ROR1: variants seen among roughly 807,000 people sequenced by gnomAD.
ROR1 encodes the protein ROR family WNT receptor 1, also known as inactive tyrosine-protein kinase transmembrane receptor ROR1.
ROR1 carries 19 observed loss-of-function variants against 78.8 expected under a neutral mutation model. That is an observed-to-expected ratio of 0.24 (90% CI 0.17 to 0.35). ROR1 has a LOEUF of 0.35. Ranked by LOEUF, ROR1 falls within the 10% of genes least tolerant of loss-of-function variation. The pLI, the probability that ROR1 is intolerant of heterozygous loss-of-function variation, is 1.00. For missense variants in ROR1, 917 were observed against 1,177.8 expected, an observed-to-expected ratio of 0.78 and a Z score of 3.24; for synonymous variants, 386 against 433.6, an observed-to-expected ratio of 0.89 and a Z score of 1.36.
chr1:63,999,128 T>A (rs1396079649), intron 1 of ROR1, among the ~76,000 whole-genome samples: 1 of 152,208 alleles, frequency 6.6e-6, no homozygotes, highest in Non-Finnish European at 1.5e-5. Context: ...AATACAGAAA[T>A]ACAGACGTAT....
chr1:64,072,996 G>T (rs985692540), intron 4 of ROR1, among the ~76,000 whole-genome samples: 1 of 152,068 alleles, frequency 6.6e-6, no homozygotes, highest in Non-Finnish European at 1.5e-5. Flanking sequence ...AAATAAACAA[G>T]ATTTAAAGGA....
At chr1:63,867,740 CT>C (rs1224092281) in intron 1 of ROR1, among the ~76,000 whole-genome samples, 2 of 152,232 alleles carry the variant, frequency 1.3e-5, no homozygotes, top group African/African-American at 4.8e-5. Flanking sequence ...GGGCCTGCCC[CT>C]GACCACTTGT....
intron 5 of ROR1, 86 bp from the exon 6 acceptor site, chr1:64,140,023 G>C: frequency 8.1e-7 from 1 of 1,237,212 alleles, no homozygotes; most frequent in Non-Finnish European, 1.1e-6. Flanking sequence ...CTTGCAATGT[G>C]TGTTTATATC....
intron 1 of ROR1, among the ~76,000 whole-genome samples, chr1:63,962,113 A>T (rs1472838142): frequency 6.6e-6 from 1 of 152,152 alleles, no homozygotes; most frequent in Non-Finnish European, 1.5e-5. Context: ...TACAAAAGTT[A>T]TCTGGGCATG....
chr1:64,072,587 A>G (rs1173664523), intron 4 of ROR1, among the ~76,000 whole-genome samples: 1 of 152,126 alleles, frequency 6.6e-6, no homozygotes. Flanking sequence ...GGGAGAGGAG[A>G]ACAAAGACCT....
intron 1 of ROR1, among the ~76,000 whole-genome samples, chr1:63,795,640 G>A (rs1391586042): frequency 6.6e-6 from 1 of 152,144 alleles, no homozygotes; most frequent in Admixed American, 6.5e-5. Context: ...TGGTGGGAGG[G>A]CAGAGAGGCT....
chr1:63,793,145 A>G (rs901113873), intron 1 of ROR1, among the ~76,000 whole-genome samples: 2 of 152,182 alleles, frequency 1.3e-5, no homozygotes, highest in Non-Finnish European at 2.9e-5. Flanking sequence ...GCTAAATCCT[A>G]CTGGATTAGG....
intron 1 of ROR1, among the ~76,000 whole-genome samples, chr1:63,942,141 T>A (rs1489671698): frequency 6.6e-6 from 1 of 152,162 alleles, no homozygotes; most frequent in Non-Finnish European, 1.5e-5. Flanking sequence ...ATAGAATGAA[T>A]GGTGGGAAAG....
chr1:63,992,217 A>T (rs950245852), intron 1 of ROR1, among the ~76,000 whole-genome samples: 4 of 151,362 alleles, frequency 2.6e-5, no homozygotes, highest in Admixed American at 6.6e-5. Context: ...TTATTTATTT[A>T]TTTTTTGAGA....
intron 1 of ROR1, among the ~76,000 whole-genome samples, chr1:63,982,811 T>C (rs1033639563): frequency 6.6e-6 from 1 of 152,098 alleles, no homozygotes; most frequent in Admixed American, 6.6e-5. Flanking sequence ...ACCAGTGGAG[T>C]AGTGTGAAGA....
intron 2 of ROR1, among the ~76,000 whole-genome samples, chr1:64,031,498 C>T (rs1646659361): frequency 6.6e-6 from 1 of 152,182 alleles, no homozygotes; most frequent in Non-Finnish European, 1.5e-5. Flanking sequence ...ATGTCTCCCC[C>T]AAAAGAATTT....
At chr1:63,860,681 A>T (rs1198464906) in intron 1 of ROR1, among the ~76,000 whole-genome samples, 1 of 151,078 alleles carries the variant, frequency 6.6e-6, no homozygotes, top group African/African-American at 2.4e-5. Flanking sequence ...AGGTAGGAGA[A>T]TCGCTTGGAC....
chr1:63,871,944 A>G (rs1206224568), intron 1 of ROR1, among the ~76,000 whole-genome samples: 1 of 152,214 alleles, frequency 6.6e-6, no homozygotes, highest in Non-Finnish European at 1.5e-5. Context: ...TTCTAGTTGT[A>G]AATATTGAGT....
intron 1 of ROR1, among the ~76,000 whole-genome samples, chr1:63,809,054 A>T (rs1350451342): frequency 2.0e-5 from 3 of 152,202 alleles, no homozygotes; most frequent in Non-Finnish European, 4.4e-5. Context: ...ATGGATGTTG[A>T]TGCTGAGGCC....
intron 4 of ROR1, among the ~76,000 whole-genome samples, chr1:64,094,235 A>G (rs145909329): frequency 1.8e-3 from 274 of 152,286 alleles, no homozygotes; most frequent in African/African-American, 6.2e-3. Context: ...TTTAACAAAC[A>G]ACACCCCTTT....
chr1:63,901,442 A>T (rs1156897248), intron 1 of ROR1, among the ~76,000 whole-genome samples: 1 of 152,188 alleles, frequency 6.6e-6, no homozygotes, highest in Non-Finnish European at 1.5e-5. Context: ...ATAGCAGTGT[A>T]ATAGCACTGT....
chr1:63,840,436 C>A (rs143560640), intron 1 of ROR1, among the ~76,000 whole-genome samples: 8 of 151,796 alleles, frequency 5.3e-5, no homozygotes, highest in African/African-American at 1.9e-4. Context: ...CACGCCACCA[C>A]GCCTAGCTAA....
rs950806203 is a variant in ROR1 at position 64,177,367 on chromosome 1, A to G, written c.1387-61A>G. The G allele has an allele frequency of 1.3e-5, 17 of 1,295,976 alleles. No individual in the cohort carries two copies. In the African/African-American group the frequency reaches 2.1e-4, roughly 16 times the overall value. The allele number at this position is 1,295,976 out of a possible 1,614,324, so 80.3% of individuals were successfully genotyped here. ...CTATATGCCCCGTCCCTCCTTTCGG[A>G]TGCAAAGCTGTCTTGCCTGAAGATA... On this transcript the variant is annotated intron_variant, in intron 8 of 8. Coordinates refer to ENST00000371079, the MANE Select transcript of ROR1 (RefSeq NM_005012.4).
chr1:64,052,016 G>A (rs1467839854), intron 4 of ROR1, among the ~76,000 whole-genome samples: 1 of 152,214 alleles, frequency 6.6e-6, no homozygotes, highest in African/African-American at 2.4e-5. Flanking sequence ...TTGGCCTTCA[G>A]CCACACAGTT....
Sources: gnomAD v4.1 joint callset for allele counts (sites outside exome capture counted in the v4.1 genomes callset) on GRCh38, gnomAD v4.1.1 for gene constraint, MANE v1.5 for transcripts, NCBI Gene and HGNC (gene_info 2026-07-23, HGNC 2026-07-21) for gene names.